SLC35F1: variants seen among roughly 807,000 people sequenced by gnomAD.
SLC35F1 encodes solute carrier family 35 member F1.
A neutral mutation model predicts 48.7 loss-of-function variants in SLC35F1; 14 were observed. The ratio of observed to expected loss-of-function variants is 0.29; its 90% confidence interval spans 0.19 to 0.45. The LOEUF (loss-of-function observed/expected upper bound fraction) is 0.45, where lower values mean the gene tolerates loss of function less well. Ranked by LOEUF, SLC35F1 falls within the 20% of genes least tolerant of loss-of-function variation. The pLI is 1.00. For missense variants in SLC35F1, 404 were observed against 500.0 expected (o/e 0.81, Z 1.83); for synonymous variants, 190 against 202.2 (o/e 0.94, Z 0.51).
chr6:118,113,798 C>T (rs1773440951), intron 1 of SLC35F1, among the ~76,000 whole-genome samples: 1 of 152,056 alleles, frequency 6.6e-6, no homozygotes, highest in Admixed American at 6.6e-5. Context: ...TATTTTAGAG[C>T]CCAGAATTAA....
intron 1 of SLC35F1, among the ~76,000 whole-genome samples, chr6:117,991,460 A>T (rs549053011): frequency 6.6e-6 from 1 of 152,334 alleles, no homozygotes; most frequent in East Asian, 1.9e-4. Context: ...AAATTAGAGT[A>T]CTGAACATGA....
At chr6:118,308,075 A>G (rs1731742552) in intron 7 of SLC35F1, among the ~76,000 whole-genome samples, 1 of 152,226 alleles carries the variant, frequency 6.6e-6, no homozygotes, top group Non-Finnish European at 1.5e-5. Context: ...CCTTTTAGTT[A>G]TTCTTCACTA....
chr6:118,066,508 G>C (rs1315711515), intron 1 of SLC35F1, among the ~76,000 whole-genome samples: 1 of 152,158 alleles, frequency 6.6e-6, no homozygotes, highest in Admixed American at 6.5e-5. Flanking sequence ...TGAGCCTCCA[G>C]ATAAGAATGC....
intron 6 of SLC35F1, 104 bp from the exon 7 acceptor site, chr6:118,285,080 G>T: frequency 8.3e-7 from 1 of 1,205,758 alleles, no homozygotes; most frequent in Non-Finnish European, 1.2e-6. Flanking sequence ...ACTGCCTTGT[G>T]TGAGTGACAA....
At chr6:118,188,980 T>C (rs1004503388) in intron 2 of SLC35F1, among the ~76,000 whole-genome samples, 1 of 152,192 alleles carries the variant, frequency 6.6e-6, no homozygotes, top group Non-Finnish European at 1.5e-5. Context: ...GGTGCAGTCA[T>C]GGCTGACTGC....
At position 117,924,498 on chromosome 6, in the gene SLC35F1, GTATATACGTATATACATATA is replaced by G. The variant is rs1325246425; in HGVS notation, c.173+16605_173+16624del. Among the ~76,000 whole-genome samples, 156 of 16,410 alleles carry G rather than the reference GTATATACGTATATACATATA, an allele frequency of 9.5e-3. 25 individuals are homozygous for G. The highest frequency in any genetic ancestry group is 0.017 in the African/African-American group (146 of 8,394). The allele number at this position is 16,410 out of a possible 152,430, so 10.8% of individuals were successfully genotyped here. A position where few individuals can be genotyped will look rare whatever the true frequency, so the allele number is the denominator to read the frequency against. On this transcript the variant is annotated intron_variant, in intron 1 of 7. Transcript: ENST00000360388. ...CATATGTATATACGTATATACATAT[GTATATACGTATATACATATA>G]TATATGTCAAGTTCCATTCTGTTCC... is the stretch of plus-strand genomic sequence containing the variant.
intron 2 of SLC35F1, among the ~76,000 whole-genome samples, chr6:118,174,940 G>A (rs1774465058): frequency 6.6e-6 from 1 of 151,420 alleles, no homozygotes; most frequent in Non-Finnish European, 1.5e-5. Flanking sequence ...AACCATAAAA[G>A]TACTCTTTAA....
chr6:118,162,423 A>G (rs79389385), intron 2 of SLC35F1, among the ~76,000 whole-genome samples: 4 of 152,160 alleles, frequency 2.6e-5, no homozygotes, highest in Non-Finnish European at 5.9e-5. Flanking sequence ...GGGAGGATGG[A>G]AATGTTCTGT....
chr6:118,285,614 C>T (rs757540119), intron 7 of SLC35F1, among the ~76,000 whole-genome samples: 1 of 152,198 alleles, frequency 6.6e-6, no homozygotes, highest in Non-Finnish European at 1.5e-5. Flanking sequence ...TTCCTGATAG[C>T]ATTCAGCCCA....
At chr6:118,034,067 A>G (rs1772092843) in intron 1 of SLC35F1, among the ~76,000 whole-genome samples, 2 of 152,214 alleles carry the variant, frequency 1.3e-5, no homozygotes, top group Admixed American at 6.5e-5. Flanking sequence ...TTCAGATAGT[A>G]GAATAGTAAA....
intron 1 of SLC35F1, among the ~76,000 whole-genome samples, chr6:118,013,197 AG>A: frequency 6.6e-6 from 1 of 152,274 alleles, no homozygotes; most frequent in Middle Eastern, 3.4e-3. Context: ...CTGAGAACAA[AG>A]GCTGGTTTTT....
chr6:118,113,481 G>T (rs1159272977), intron 1 of SLC35F1, among the ~76,000 whole-genome samples: 1 of 152,078 alleles, frequency 6.6e-6, no homozygotes, highest in East Asian at 1.9e-4. Flanking sequence ...GGCTATCTAT[G>T]TGTGGGGGCT....
At chr6:117,979,765 A>T (rs1207970849) in intron 1 of SLC35F1, among the ~76,000 whole-genome samples, 1 of 152,318 alleles carries the variant, frequency 6.6e-6, no homozygotes, top group South Asian at 2.1e-4. Context: ...TTCTGCTTCC[A>T]TAGGATGTGC....
chr6:118,290,756 G>A (rs1160522359), intron 7 of SLC35F1, among the ~76,000 whole-genome samples: 2 of 150,804 alleles, frequency 1.3e-5, no homozygotes, highest in African/African-American at 4.9e-5. Flanking sequence ...AGGCCCCCAG[G>A]TTTCCCACCA....
chr6:117,969,550 C>T (rs1313027411), intron 1 of SLC35F1, among the ~76,000 whole-genome samples: 2 of 152,112 alleles, frequency 1.3e-5, no homozygotes, highest in African/African-American at 4.8e-5. Flanking sequence ...AGTGAGACTT[C>T]ATCTCTACAA....
chr6:118,050,394 AAAAC>A (rs1265736290), intron 1 of SLC35F1, among the ~76,000 whole-genome samples: 1 of 149,804 alleles, frequency 6.7e-6, no homozygotes, highest in African/African-American at 2.4e-5. Context: ...AAAAAAAAGG[AAAAC>A]AAAACCAAAA....
intron 4 of SLC35F1, among the ~76,000 whole-genome samples, chr6:118,271,267 C>T (rs2114625764): frequency 6.6e-6 from 1 of 152,244 alleles, no homozygotes; most frequent in South Asian, 2.1e-4. Flanking sequence ...TAAGGGCACA[C>T]CATCACCAAA....
chr6:117,971,205 G>A (rs769474519), intron 1 of SLC35F1, among the ~76,000 whole-genome samples: 6 of 152,178 alleles, frequency 3.9e-5, no homozygotes, highest in Non-Finnish European at 5.9e-5. Context: ...GTGCAAGTCC[G>A]AAATCCAATA....
intron 2 of SLC35F1, among the ~76,000 whole-genome samples, chr6:118,209,293 G>T (rs205920): frequency 0.075 from 11,456 of 152,118 alleles, 549 homozygotes; most frequent in South Asian, 0.12. Flanking sequence ...CTTTTCTCTT[G>T]TCAGCCTGTC....
Sources: allele counts gnomAD v4.1 joint callset (sites outside exome capture counted in the v4.1 genomes callset), GRCh38; gene constraint gnomAD v4.1.1; transcripts MANE v1.5; gene names NCBI Gene and HGNC (gene_info 2026-07-23, HGNC 2026-07-21).